Variants in ZNF431 observed in about 807,000 individuals in gnomAD.
ZNF431 encodes the protein zinc finger protein 431.
A neutral mutation model predicts 57.0 loss-of-function variants in ZNF431; 34 were observed. The ratio of observed to expected loss-of-function variants is 0.60; its 90% CI spans 0.45 to 0.79. ZNF431 has a LOEUF of 0.79. ZNF431 is among the 30% of genes least tolerant of loss of function. ZNF431 has a pLI of 0.00. For missense variants in ZNF431, 607 were observed against 667.1 expected (o/e 0.91, Z 0.99); for synonymous variants, 207 against 220.3 (o/e 0.94, Z 0.54).
intron 4 of ZNF431, among the ~76,000 whole-genome samples, chr19:21,182,080 C>A (rs770549166): frequency 3.9e-5 from 6 of 152,004 alleles, no homozygotes; most frequent in Non-Finnish European, 8.8e-5. Flanking sequence ...TATCTGTTCC[C>A]TGTCTGTGGT....
rs748616718 is a variant in ZNF431 at position 21,184,027 on chromosome 19, G to A, written c.1724G>A (p.Ser575Asn). 26 of 1,562,148 alleles carry A rather than the reference G, an allele frequency of 1.7e-5. No individual in the cohort carries two copies. Among genetic ancestry groups the A allele is most frequent in the Middle Eastern group, 3.5e-4 (2 of 5,772 alleles). The part of the protein sequence containing the change: ...ETLQMSRMWE[S>N]L ...CTACAAATGTCAAGAATGTGGGAAA[G>A]CCTTTAAGCAGTCCTCAACTCTTAC... The change falls in exon 5 of 5, where the codon AGC (serine) becomes AAC (asparagine). Residue 575 changes from serine (S) to asparagine (N), a missense_variant. Ser to Asn is a conservative substitution (Grantham distance 46). Transcript: ENST00000311048.
Position 21,185,890 on chromosome 19 carries a change from A to T in ZNF431, c.*1856A>T, listed in dbSNP as rs912851172. On this transcript the variant is annotated 3_prime_UTR_variant, in exon 5 of 5. Transcript: ENST00000311048. Reference sequence around the variant, plus strand: ...CTACACTTTAAAAAAAAATTTTTAAATGTACAATTAAATTTTTATTTACCA... The same window carrying T: ...CTACACTTTAAAAAAAAATTTTTAATTGTACAATTAAATTTTTATTTACCA... 27 of 152,192 alleles carry T rather than the reference A, an allele frequency of 1.8e-4. No individual in the cohort carries two copies. The highest frequency in any genetic ancestry group is 6.3e-4 in the African/African-American group (26 of 41,442). The allele number at this position is 152,192 out of a possible 1,614,324, so 9.4% of individuals were successfully genotyped here. A position where few individuals can be genotyped will look rare whatever the true frequency, so the allele number is the denominator to read the frequency against.
In ZNF431 at chr19:21,192,851, A is replaced by G. The variant is rs1416516561; in HGVS notation, c.*8817A>G. ...TGTGCATCCATTTTTTTCTCTTTGC[A>G]CTCTGCATATATTTAAGTTTTAGAG... On this transcript the variant is annotated 3_prime_UTR_variant, in exon 5 of 5. Transcript: ENST00000311048. 6.6e-6 allele frequency: 1 copy of G among 152,098 alleles called. No individual in the cohort carries two copies. The highest frequency in any genetic ancestry group is 1.5e-5 in the Non-Finnish European group (1 of 68,020). The allele number at this position is 152,098 out of a possible 1,614,324, so 9.4% of individuals were successfully genotyped here. A position where few individuals can be genotyped will look rare whatever the true frequency, so the allele number is the denominator to read the frequency against.
intron 4 of ZNF431, among the ~76,000 whole-genome samples, chr19:21,171,105 T>C (rs1050321179): frequency 2.0e-5 from 3 of 152,234 alleles, no homozygotes; most frequent in Admixed American, 2.0e-4. Context: ...GTTTCAATTT[T>C]GTGTAAGAAT....
chr19:21,187,341 CAGG>C lies in ZNF431; in HGVS notation c.*3310_*3312del, dbSNP rs1056067451. The C allele has an allele frequency of 1.9e-4, 29 of 150,166 alleles. No homozygotes were observed. The highest frequency in any genetic ancestry group is 5.4e-4 in the African/African-American group (22 of 40,620). The allele number at this position is 150,166 out of a possible 1,614,324, so 9.3% of individuals were successfully genotyped here. A position where few individuals can be genotyped will look rare whatever the true frequency, so the allele number is the denominator to read the frequency against. ...TGTAATCCCACTCGGGAGGCTGAGT[CAGG>C]AGAATTGCTTGAACCCGGAGGTGAA... is the stretch of plus-strand genomic sequence containing the variant. On this transcript the variant is annotated 3_prime_UTR_variant, in exon 5 of 5. Transcript: ENST00000311048.
intron 2 of ZNF431, among the ~76,000 whole-genome samples, chr19:21,158,096 C>A (rs182336662): frequency 6.6e-6 from 1 of 152,116 alleles, no homozygotes; most frequent in African/African-American, 2.4e-5. Flanking sequence ...ATACAAATAG[C>A]ATTAAATTGG....
At chr19:21,146,462 C>G (rs1454863617) in intron 2 of ZNF431, among the ~76,000 whole-genome samples, 1 of 151,032 alleles carries the variant, frequency 6.6e-6, no homozygotes. Context: ...AAAAGAATGG[C>G]TTACTCCATA....
intron 1 of ZNF431, among the ~76,000 whole-genome samples, chr19:21,142,521 G>A (rs1279094949): frequency 3.3e-5 from 5 of 152,190 alleles, no homozygotes; most frequent in Non-Finnish European, 5.9e-5. Flanking sequence ...TCGGGGTGCG[G>A]GTTCATGAAT....
intron 2 of ZNF431, chr19:21,150,244 C>T: frequency 3.9e-6 from 2 of 514,646 alleles, no homozygotes; most frequent in African/African-American, 1.9e-5. Flanking sequence ...TAGAGGATGG[C>T]TCTTTGCTGC....
At chr19:21,145,861 G>A (rs139099708) in intron 2 of ZNF431, among the ~76,000 whole-genome samples, 35 of 152,116 alleles carry the variant, frequency 2.3e-4, no homozygotes, top group Middle Eastern at 3.4e-3. Context: ...AGGTGGGAGG[G>A]GAATGGCAAA....
chr19:21,191,595 G>C lies in ZNF431; in HGVS notation c.*7561G>C, dbSNP rs1444316537. ...ATTTTTACATATGGTGTGAGATGAGGGTCTCAATTTTTATCTCTGCATGTG... is the reference window on the plus strand; with the variant it reads ...ATTTTTACATATGGTGTGAGATGAGCGTCTCAATTTTTATCTCTGCATGTG... On this transcript the variant is annotated 3_prime_UTR_variant, in exon 5 of 5. Coordinates refer to ENST00000311048, the MANE Select transcript of ZNF431 (RefSeq NM_133473.4). 1 of 152,052 alleles carries C rather than the reference G, an allele frequency of 6.6e-6. No homozygotes were observed. Among genetic ancestry groups the C allele is most frequent in the East Asian group, 1.9e-4 (1 of 5,202 alleles). The allele number at this position is 152,052 out of a possible 1,614,324, so 9.4% of individuals were successfully genotyped here. A position where few individuals can be genotyped will look rare whatever the true frequency, so the allele number is the denominator to read the frequency against.
At position 21,184,051 on chromosome 19, in the gene ZNF431, A is replaced by C; in HGVS notation, c.*17A>C. On this transcript the variant is annotated 3_prime_UTR_variant, in exon 5 of 5. Transcript: ENST00000311048. Reference sequence around the variant, plus strand: ...AGCCTTTAAGCAGTCCTCAACTCTTACTAAGCATTAAATATTGGCCGGGTG... The same window carrying C: ...AGCCTTTAAGCAGTCCTCAACTCTTCCTAAGCATTAAATATTGGCCGGGTG... The C allele has an allele frequency of 6.5e-7, 1 of 1,536,118 alleles. No homozygotes were observed. Among genetic ancestry groups the C allele is most frequent in the Non-Finnish European group, 8.7e-7 (1 of 1,148,098 alleles).
Position 21,190,311 on chromosome 19 carries a change from A to G in ZNF431, c.*6277A>G, listed in dbSNP as rs1375482476. 3 of 155,674 alleles carry G rather than the reference A, an allele frequency of 1.9e-5. No individual in the cohort carries two copies. The East Asian group carries it at 5.5e-4, about 29-fold the overall frequency. 9.6% of individuals were successfully genotyped at this position (155,674 alleles called of 1,614,324 possible). On this transcript the variant is annotated 3_prime_UTR_variant, in exon 5 of 5. Coordinates refer to ENST00000311048, the MANE Select transcript of ZNF431 (RefSeq NM_133473.4). ...CTATTGTGAAACAAGTGCTGCAAAC[A>G]GAAGTGCAAATGTTTCTTTATTCTT...
chr19:21,171,701 T>TATAC (rs1187367316), intron 4 of ZNF431, among the ~76,000 whole-genome samples: 1 of 14,148 alleles, frequency 7.1e-5, no homozygotes, highest in African/African-American at 3.3e-4. Flanking sequence ...ATGATGAATA[T>TATAC]ATATATATAT....
intron 2 of ZNF431, among the ~76,000 whole-genome samples, chr19:21,148,555 A>G (rs949394801): frequency 6.6e-6 from 1 of 152,218 alleles, no homozygotes; most frequent in African/African-American, 2.4e-5. Context: ...TTAAACCTTC[A>G]GTTTTATTCT....
chr19:21,167,505 C>T lies in ZNF431; in HGVS notation c.224-66C>T, dbSNP rs1970755521. On this transcript the variant is annotated intron_variant, in intron 3 of 4. Transcript: ENST00000311048. ...ATTCTATCACATCCTTTTTACTGAGCACAGTACTAGGTTAGTAATTAGAGA... is the reference window on the plus strand; with the variant it reads ...ATTCTATCACATCCTTTTTACTGAGTACAGTACTAGGTTAGTAATTAGAGA... 4 of 1,180,512 alleles carry T rather than the reference C, an allele frequency of 3.4e-6. No homozygotes were observed. The African/African-American group carries it at 4.8e-5, about 14-fold the overall frequency. 73.1% of individuals were successfully genotyped at this position (1,180,512 alleles called of 1,614,324 possible).
intron 1 of ZNF431, 81 bp downstream of exon 1, chr19:21,142,267 G>A: frequency 1.9e-6 from 3 of 1,592,616 alleles, no homozygotes; most frequent in Non-Finnish European, 2.6e-6. Context: ...CGGGACTCAG[G>A]CCTCCCCGCA....
At chr19:21,147,605 G>GA (rs71176821) in intron 2 of ZNF431, among the ~76,000 whole-genome samples, 65 of 147,262 alleles carry the variant, frequency 4.4e-4, no homozygotes, top group Admixed American at 1.4e-3. Flanking sequence ...CAGTCACAGT[G>GA]AAAAAAAAAA....
chr19:21,182,820 A>G lies in ZNF431; in HGVS notation c.517A>G (p.Ser173Gly), dbSNP rs1339205073. The change falls in exon 5 of 5, where the codon AGC becomes GGC. Residue 173 changes from serine to glycine, a missense_variant. Coordinates refer to ENST00000311048, the MANE Select transcript of ZNF431 (RefSeq NM_133473.4). ...ELNQCLTTTQSKIFPCDKYVK... is the reference protein window; with the variant it reads ...ELNQCLTTTQGKIFPCDKYVK... The stretch of plus-strand genomic sequence containing the variant: ...AAACCAGTGTTTGACAACTACCCAG[A>G]GCAAAATATTTCCATGTGATAAATA... The G allele has an allele frequency of 1.9e-6, 3 of 1,614,040 alleles. No homozygotes were observed. The highest frequency in any genetic ancestry group is 2.5e-6 in the Non-Finnish European group (3 of 1,179,930).
Sources: allele counts gnomAD v4.1 joint callset (sites outside exome capture counted in the v4.1 genomes callset), GRCh38; gene constraint gnomAD v4.1.1; transcripts MANE v1.5; gene names NCBI Gene and HGNC (gene_info 2026-07-23, HGNC 2026-07-21).